Variants in EHBP1 observed in about 807,000 individuals in gnomAD.
EHBP1 encodes EH domain binding protein 1, also known as EH domain-binding protein 1.
A neutral mutation model predicts 144.0 loss-of-function variants in EHBP1; 55 were observed. The ratio of observed to expected loss-of-function variants is 0.38; its 90% CI spans 0.31 to 0.48. The LOEUF is 0.48. Ranked by LOEUF, EHBP1 falls within the 20% of genes least tolerant of loss-of-function variation. The probability of loss-of-function intolerance (pLI) is 0.98; values close to 1 mark genes in which losing one functional copy is unlikely to be tolerated. For synonymous variants in EHBP1, 469 were observed against 472.7 expected (o/e 0.99, Z 0.10); for missense variants, 1,200 against 1,364.2 (o/e 0.88, Z 1.90).
chr2:62,901,149 T>G (rs1467352166), intron 10 of EHBP1, among the ~76,000 whole-genome samples: 3 of 152,190 alleles, frequency 2.0e-5, no homozygotes, highest in Non-Finnish European at 2.9e-5. Context: ...CTTTTTTAAC[T>G]TGGACATAAG....
At chr2:62,915,647 A>AT (rs2054553054) in intron 10 of EHBP1, among the ~76,000 whole-genome samples, 1 of 152,148 alleles carries the variant, frequency 6.6e-6, no homozygotes, top group Admixed American at 6.5e-5. Context: ...TACAAACAGG[A>AT]TTTTTGAGGG....
At chr2:63,042,942 C>T (rs896869544) in intron 21 of EHBP1, among the ~76,000 whole-genome samples, 2 of 151,496 alleles carry the variant, frequency 1.3e-5, no homozygotes, top group African/African-American at 2.4e-5. Flanking sequence ...AAAATGGTTT[C>T]GAAGTAAATA....
At chr2:63,002,249 TTAAAAA>T (rs985965233) in intron 19 of EHBP1, among the ~76,000 whole-genome samples, 20 of 152,152 alleles carry the variant, frequency 1.3e-4, no homozygotes, top group African/African-American at 4.6e-4. Flanking sequence ...TTGAGTTATG[TTAAAAA>T]TAAAACTAGT....
intron 5 of EHBP1, among the ~76,000 whole-genome samples, chr2:62,811,255 TTGAGAGAGCTTCCTG>T (rs1434214564): frequency 6.6e-6 from 1 of 152,206 alleles, no homozygotes; most frequent in Non-Finnish European, 1.5e-5. Flanking sequence ...GTCTTTTTGG[TTGAGAGAGCTTCCTG>T]TGGCATGTCT....
intron 5 of EHBP1, among the ~76,000 whole-genome samples, chr2:62,787,956 T>C (rs1317534160): frequency 2.0e-5 from 3 of 152,082 alleles, no homozygotes; most frequent in African/African-American, 7.2e-5. Context: ...AAGGTTGTGA[T>C]TTGGGGGAAT....
intron 19 of EHBP1, among the ~76,000 whole-genome samples, chr2:63,012,690 ATAACT>A (rs2060318439): frequency 6.6e-6 from 1 of 152,206 alleles, no homozygotes. Flanking sequence ...TGAGAGGAAA[ATAACT>A]TAAAACAGCT....
intron 9 of EHBP1, among the ~76,000 whole-genome samples, chr2:62,870,163 G>A (rs919101733): frequency 1.3e-5 from 2 of 152,210 alleles, no homozygotes; most frequent in Admixed American, 1.3e-4. Flanking sequence ...ATTCATGAAA[G>A]TTTGGGGTAA....
intron 9 of EHBP1, among the ~76,000 whole-genome samples, chr2:62,870,241 A>G (rs2050354503): frequency 1.3e-5 from 2 of 152,160 alleles, no homozygotes; most frequent in African/African-American, 4.8e-5. Context: ...TTTAAGCACT[A>G]TTTGACTACT....
chr2:62,962,892 G>T lies in EHBP1; in HGVS notation c.2460+7232G>T, dbSNP rs75908990. ...TACAATGCTATTATAAAACAGACTT[G>T]AAGTTTTTCTCCTAACATTTAATCT... is the stretch of plus-strand genomic sequence containing the variant. On this transcript the variant is annotated intron_variant, in intron 14 of 22. Coordinates refer to ENST00000431489, the MANE Select transcript of EHBP1 (RefSeq NM_001142616.3). Among the ~76,000 whole-genome samples, 58 of 152,304 alleles carry T rather than the reference G, an allele frequency of 3.8e-4. No homozygotes were observed. In the East Asian group the frequency reaches 9.6e-3, roughly 25 times the overall value.
At chr2:62,848,439 C>G (rs577289981) in intron 7 of EHBP1, among the ~76,000 whole-genome samples, 2 of 152,154 alleles carry the variant, frequency 1.3e-5, no homozygotes, top group East Asian at 3.9e-4. Context: ...CATTTATTTA[C>G]CCCAAATAAA....
chr2:62,737,262 TC>T (rs1476426835), intron 2 of EHBP1, among the ~76,000 whole-genome samples: 4 of 152,194 alleles, frequency 2.6e-5, no homozygotes, highest in African/African-American at 7.2e-5. Flanking sequence ...TTTCCCCCTT[TC>T]CTTGTTGGGA....
intron 5 of EHBP1, among the ~76,000 whole-genome samples, chr2:62,774,039 A>C (rs2041884397): frequency 6.6e-6 from 1 of 151,968 alleles, no homozygotes; most frequent in East Asian, 1.9e-4. Context: ...TGCATAAGCC[A>C]ATCTCATGAG....
intron 5 of EHBP1, among the ~76,000 whole-genome samples, chr2:62,825,745 T>G (rs2046302115): frequency 6.6e-6 from 1 of 152,120 alleles, no homozygotes; most frequent in Non-Finnish European, 1.5e-5. Context: ...GAGTATTTGT[T>G]GATGCCTAGC....
intron 1 of EHBP1, among the ~76,000 whole-genome samples, chr2:62,700,538 C>T (rs2151761632): frequency 6.6e-6 from 1 of 152,180 alleles, no homozygotes; most frequent in South Asian, 2.1e-4. Context: ...TGGATTGTTG[C>T]TGGGTTGATT....
chr2:62,762,334 C>A (rs1470171122), intron 3 of EHBP1, among the ~76,000 whole-genome samples: 1 of 152,112 alleles, frequency 6.6e-6, no homozygotes, highest in African/African-American at 2.4e-5. Context: ...GCTTTATATT[C>A]TTTATCTGTA....
intron 19 of EHBP1, among the ~76,000 whole-genome samples, chr2:63,006,816 T>C (rs774291563): frequency 1.3e-5 from 2 of 151,688 alleles, no homozygotes; most frequent in Non-Finnish European, 2.9e-5. Context: ...TTAATAAATA[T>C]TGGAAATTAT....
At chr2:62,823,592 C>G (rs2046140333) in intron 5 of EHBP1, among the ~76,000 whole-genome samples, 1 of 152,018 alleles carries the variant, frequency 6.6e-6, no homozygotes, top group Non-Finnish European at 1.5e-5. Context: ...TGATGTCCAT[C>G]TTGGGTGGGT....
chr2:62,687,075 CT>C (rs2033743189), intron 1 of EHBP1, among the ~76,000 whole-genome samples: 1 of 152,204 alleles, frequency 6.6e-6, no homozygotes, highest in Admixed American at 6.5e-5. Context: ...CCACTTAATG[CT>C]ACCTCCTGTC....
At chr2:62,811,640 G>T (rs2045015393) in intron 5 of EHBP1, among the ~76,000 whole-genome samples, 3 of 152,172 alleles carry the variant, frequency 2.0e-5, no homozygotes, top group Non-Finnish European at 2.9e-5. Flanking sequence ...TTAGGTTGAA[G>T]TTGAGTGAAA....
Sources: allele counts gnomAD v4.1 joint callset (sites outside exome capture counted in the v4.1 genomes callset), GRCh38; gene constraint gnomAD v4.1.1; transcripts MANE v1.5; gene names NCBI Gene and HGNC (gene_info 2026-07-23, HGNC 2026-07-21).